AGBL4: variants seen among roughly 807,000 people sequenced by gnomAD.
The protein encoded by AGBL4 is cytosolic carboxypeptidase 6.
In AGBL4, 58 loss-of-function variants were observed where a neutral mutation model predicts 66.4. That is an observed-to-expected ratio of 0.87 (90% CI 0.71 to 1.09). The LOEUF (loss-of-function observed/expected upper bound fraction) is 1.09, where lower values mean the gene tolerates loss of function less well. AGBL4 is among the 50% of genes least tolerant of loss of function. The probability of loss-of-function intolerance (pLI) is 0.00; values close to 1 mark genes in which losing one functional copy is unlikely to be tolerated. For missense variants in AGBL4, 579 were observed against 631.0 expected, an observed-to-expected ratio of 0.92 and a Z score of 0.88; for synonymous variants, 234 against 222.9, an observed-to-expected ratio of 1.05 and a Z score of -0.44.
At chr1:49,186,416 C>T (rs546178335) in intron 4 of AGBL4, among the ~76,000 whole-genome samples, 27 of 152,252 alleles carry the variant, frequency 1.8e-4, no homozygotes, top group African/African-American at 5.3e-4. Context: ...TATAAACTTT[C>T]GTAGTCTTAT....
chr1:49,460,867 A>C (rs1242029005), intron 3 of AGBL4, among the ~76,000 whole-genome samples: 1 of 151,600 alleles, frequency 6.6e-6, no homozygotes, highest in Non-Finnish European at 1.5e-5. Flanking sequence ...GCTTAGTTTC[A>C]CTGCATACAA....
At chr1:48,992,494 T>C (rs1189597015) in intron 5 of AGBL4, among the ~76,000 whole-genome samples, 1 of 151,864 alleles carries the variant, frequency 6.6e-6, no homozygotes, top group African/African-American at 2.4e-5. Flanking sequence ...CTAGTGCCTA[T>C]GTTTGCTGAG....
chr1:50,001,064 T>C (rs1454344849), intron 1 of AGBL4, among the ~76,000 whole-genome samples: 1 of 151,636 alleles, frequency 6.6e-6, no homozygotes, highest in East Asian at 1.9e-4. Context: ...ATTTTAAAAC[T>C]AGATATTTGA....
intron 3 of AGBL4, among the ~76,000 whole-genome samples, chr1:49,454,168 A>G (rs1387339869): frequency 2.6e-5 from 4 of 151,840 alleles, no homozygotes; most frequent in East Asian, 3.9e-4. Context: ...AAAGCTTAAC[A>G]ATCAGACAAC....
At chr1:49,614,922 G>T (rs976082082) in intron 3 of AGBL4, among the ~76,000 whole-genome samples, 1 of 152,022 alleles carries the variant, frequency 6.6e-6, no homozygotes, top group East Asian at 1.9e-4. Flanking sequence ...TCCTAGTAAG[G>T]TCTGGCACAA....
chr1:49,842,703 G>T (rs1306366331), intron 2 of AGBL4, among the ~76,000 whole-genome samples: 1 of 152,068 alleles, frequency 6.6e-6, no homozygotes, highest in Non-Finnish European at 1.5e-5. Flanking sequence ...CTGAGAAAAT[G>T]AAAATGAGTG....
intron 3 of AGBL4, among the ~76,000 whole-genome samples, chr1:49,496,372 T>G (rs1289797578): frequency 6.6e-6 from 1 of 152,044 alleles, no homozygotes; most frequent in African/African-American, 2.4e-5. Context: ...CACGTACTTA[T>G]TTTTGTGGTG....
intron 12 of AGBL4, among the ~76,000 whole-genome samples, chr1:48,536,302 G>C (rs1225090322): frequency 1.3e-5 from 2 of 152,162 alleles, no homozygotes; most frequent in African/African-American, 2.4e-5. Context: ...ACAGAAATCA[G>C]GTGGGAGGGA....
chr1:49,977,992 T>C (rs2148377705), intron 1 of AGBL4, among the ~76,000 whole-genome samples: 1 of 152,302 alleles, frequency 6.6e-6, no homozygotes, highest in East Asian at 1.9e-4. Flanking sequence ...ACTTTTGAGA[T>C]AGGAAGCCTC....
chr1:49,748,078 G>A (rs1571474421), intron 2 of AGBL4, among the ~76,000 whole-genome samples: 2 of 151,668 alleles, frequency 1.3e-5, no homozygotes, highest in Non-Finnish European at 2.9e-5. Flanking sequence ...TTGTTACATA[G>A]GTATACATGT....
intron 5 of AGBL4, among the ~76,000 whole-genome samples, chr1:48,895,801 G>C (rs1651449643): frequency 6.6e-6 from 1 of 152,296 alleles, no homozygotes; most frequent in South Asian, 2.1e-4. Context: ...TTTACAGTTG[G>C]GGTGTGGAGG....
intron 4 of AGBL4, among the ~76,000 whole-genome samples, chr1:49,107,401 G>T (rs1413495848): frequency 1.3e-5 from 2 of 152,108 alleles, no homozygotes; most frequent in African/African-American, 4.8e-5. Flanking sequence ...GGTTTATGGG[G>T]ATGTAACATC....
chr1:49,352,306 T>C (rs1158316388), intron 3 of AGBL4, among the ~76,000 whole-genome samples: 1 of 152,030 alleles, frequency 6.6e-6, no homozygotes. Context: ...TGTTTCATCA[T>C]TTTGCCAGTT....
chr1:49,235,400 G>C (rs1182467891), intron 4 of AGBL4, among the ~76,000 whole-genome samples: 1 of 152,208 alleles, frequency 6.6e-6, no homozygotes, highest in African/African-American at 2.4e-5. Context: ...TGATGGCAAA[G>C]TCAGTGCTTT....
chr1:48,710,113 G>A (rs1041287077), intron 6 of AGBL4, among the ~76,000 whole-genome samples: 1 of 152,160 alleles, frequency 6.6e-6, no homozygotes, highest in Non-Finnish European at 1.5e-5. Flanking sequence ...TGGAAAGACT[G>A]AACTTTCACT....
intron 3 of AGBL4, among the ~76,000 whole-genome samples, chr1:49,676,241 A>C (rs1646575982): frequency 6.6e-6 from 1 of 152,058 alleles, no homozygotes; most frequent in Non-Finnish European, 1.5e-5. Context: ...TCTGGAAATC[A>C]ATGTTTCCAT....
At chr1:49,061,824 G>C (rs1644408067) in intron 4 of AGBL4, among the ~76,000 whole-genome samples, 1 of 152,076 alleles carries the variant, frequency 6.6e-6, no homozygotes, top group Admixed American at 6.6e-5. Context: ...TGTAGGATGG[G>C]ACTAAGCCCC....
At chr1:48,935,268 A>C (rs1194426136) in intron 5 of AGBL4, among the ~76,000 whole-genome samples, 1 of 152,104 alleles carries the variant, frequency 6.6e-6, no homozygotes, top group Non-Finnish European at 1.5e-5. Flanking sequence ...ATTCCCACTA[A>C]AATAACATCC....
intron 11 of AGBL4, among the ~76,000 whole-genome samples, chr1:48,543,266 T>G (rs1644103549): frequency 6.6e-6 from 1 of 152,124 alleles, no homozygotes; most frequent in Admixed American, 6.6e-5. Context: ...AACCTGAGGT[T>G]GGTCCTAGAG....
Sources: allele counts gnomAD v4.1 joint callset (sites outside exome capture counted in the v4.1 genomes callset), GRCh38; gene constraint gnomAD v4.1.1; transcripts MANE v1.5; gene names NCBI Gene and HGNC (gene_info 2026-07-23, HGNC 2026-07-21).